The following MYO18B variants were observed in gnomAD, a reference collection of about 807,000 sequenced individuals.
The protein encoded by MYO18B is myosin XVIIIB.
In MYO18B, 204 loss-of-function variants were observed where a neutral mutation model predicts 273.0. That is an observed-to-expected ratio of 0.75 (90% CI 0.67 to 0.84). The LOEUF (loss-of-function observed/expected upper bound fraction) is 0.84, where lower values mean the gene tolerates loss of function less well. MYO18B is among the 40% of genes least tolerant of loss of function. MYO18B has a pLI of 0.00. For synonymous variants in MYO18B, 1,330 were observed against 1,305.7 expected (o/e 1.02, Z -0.40); for missense variants, 3,212 against 3,287.6 (o/e 0.98, Z 0.56).
intron 22 of MYO18B, among the ~76,000 whole-genome samples, chr22:25,872,661 T>C (rs1020544615): frequency 2.7e-5 from 4 of 150,572 alleles, no homozygotes; most frequent in African/African-American, 9.9e-5. Flanking sequence ...CGTGGGCCAA[T>C]GCCTTTTTTT....
In MYO18B at chr22:25,768,937, C is replaced by G. The variant is rs1040816430; in HGVS notation, c.1021C>G (p.Leu341Val). 4 of 1,612,172 alleles carry G rather than the reference C, an allele frequency of 2.5e-6. No individual in the cohort carries two copies. Among genetic ancestry groups the G allele is most frequent in the Non-Finnish European group, 3.4e-6 (4 of 1,179,152 alleles). ...GAATAAGAAGGACAAAGAAGGGGTG[C>G]TCTTAAGTAAGGCAGAGAAGACAGG... ...PQNKKDKEGV[L>V]LSKAEKTGEP... is the part of the protein sequence containing the mutation. Residue 341 changes from leucine (L) to valine (V), a missense_variant, in exon 4 of 44, where the codon CTC becomes GTC. Physicochemically the swap from Leu to Val is conservative, Grantham distance 32 (BLOSUM62 1). Transcript: ENST00000335473.
intron 28 of MYO18B, chr22:25,895,558 C>T (rs2091779158): frequency 3.3e-6 from 1 of 302,272 alleles, no homozygotes; most frequent in Non-Finnish European, 6.2e-6. Flanking sequence ...TCCATTTCTA[C>T]GTGAACCTTG....
At chr22:25,899,776 A>G (rs1459461089) in intron 29 of MYO18B, 4 of 62,972 alleles carry the variant, frequency 6.4e-5, no homozygotes, top group African/African-American at 1.9e-4. Context: ...TCCTTGGCAA[A>G]TAACACCACC....
At chr22:25,768,039 G>T in intron 3 of MYO18B, 76 bp from the exon 4 acceptor site, 1 of 1,279,716 alleles carries the variant, frequency 7.8e-7, no homozygotes, top group Non-Finnish European at 1.1e-6. Flanking sequence ...TGAAATGAAT[G>T]AACGAACACG....
intron 11 of MYO18B, among the ~76,000 whole-genome samples, chr22:25,789,995 A>G (rs903658004): frequency 6.6e-6 from 1 of 152,158 alleles, no homozygotes; most frequent in Non-Finnish European, 1.5e-5. Context: ...TCTACTAAAA[A>G]TACAAAAATT....
At chr22:25,844,614 T>C (rs933576999) in intron 18 of MYO18B, among the ~76,000 whole-genome samples, 1 of 152,132 alleles carries the variant, frequency 6.6e-6, no homozygotes, top group Non-Finnish European at 1.5e-5. Flanking sequence ...ATGAGAAAAA[T>C]TGAGGCCCCG....
intron 43 of MYO18B, among the ~76,000 whole-genome samples, chr22:26,028,024 A>G (rs1936390864): frequency 6.6e-6 from 1 of 152,076 alleles, no homozygotes; most frequent in African/African-American, 2.4e-5. Context: ...CGGGTGGATC[A>G]CCTAAGGTCA....
At chr22:25,755,659 G>C (rs2086092510) in intron 1 of MYO18B, among the ~76,000 whole-genome samples, 1 of 152,160 alleles carries the variant, frequency 6.6e-6, no homozygotes, top group Non-Finnish European at 1.5e-5. Context: ...ATGTCTTGGT[G>C]CCCACCCTGG....
intron 15 of MYO18B, among the ~76,000 whole-genome samples, chr22:25,832,537 T>C (rs546188672): frequency 4.6e-5 from 7 of 152,310 alleles, no homozygotes; most frequent in Middle Eastern, 3.4e-3. Flanking sequence ...GGACAAATAC[T>C]GTATGGTTTC....
the MYO18B span, among the ~76,000 whole-genome samples, chr22:26,060,779 TACATATAC>T: frequency 8.7e-4 from 126 of 145,660 alleles, no homozygotes; most frequent in African/African-American, 3.5e-3. Flanking sequence ...CATACATTTA[TACATATAC>T]ACATATGCAC....
At chr22:25,805,060 C>A (rs1304174941) in intron 12 of MYO18B, among the ~76,000 whole-genome samples, 2 of 152,122 alleles carry the variant, frequency 1.3e-5, no homozygotes, top group Non-Finnish European at 2.9e-5. Flanking sequence ...CTCCCCTTTC[C>A]CTCACTCCTC....
chr22:25,912,189 C>T (rs74978601), intron 33 of MYO18B, among the ~76,000 whole-genome samples: 1,686 of 152,280 alleles, frequency 0.011, 41 homozygotes, highest in African/African-American at 0.039. Context: ...CAGGGACACA[C>T]GCGGCAAGAG....
At chr22:25,799,069 TGAC>T (rs1395501957) in intron 12 of MYO18B, among the ~76,000 whole-genome samples, 2 of 152,140 alleles carry the variant, frequency 1.3e-5, no homozygotes, top group East Asian at 3.9e-4. Context: ...ATAGTCTCTG[TGAC>T]ATCATTTCTG....
At chr22:25,785,645 G>A (rs1459252790) in intron 11 of MYO18B, among the ~76,000 whole-genome samples, 154 bp downstream of exon 11, 1 of 152,134 alleles carries the variant, frequency 6.6e-6, no homozygotes, top group Non-Finnish European at 1.5e-5. Context: ...CCTTTGTAGG[G>A]TCTCGGCTTA....
intron 27 of MYO18B, among the ~76,000 whole-genome samples, chr22:25,893,991 C>T (rs529615814): frequency 9.8e-5 from 15 of 152,318 alleles, no homozygotes; most frequent in African/African-American, 3.4e-4. Context: ...ATCCATTAAT[C>T]CTCCACCCTA....
At chr22:25,847,385 G>A (rs1569104721) in intron 19 of MYO18B, 45 bp from the exon 20 acceptor site, 2 of 1,510,716 alleles carry the variant, frequency 1.3e-6, no homozygotes, top group Non-Finnish European at 9.0e-7. Context: ...CCCTTTCTGT[G>A]TCTCTGTGAG....
intron 4 of MYO18B, 161 bp from the exon 5 acceptor site, chr22:25,769,949 A>G (rs926380823): frequency 4.1e-6 from 3 of 726,364 alleles, no homozygotes; most frequent in African/African-American, 3.5e-5. Flanking sequence ...CGGGTCCGCA[A>G]CGGGAATCTG....
chr22:26,016,799 A>T (rs989177904), intron 42 of MYO18B, among the ~76,000 whole-genome samples: 2 of 152,164 alleles, frequency 1.3e-5, no homozygotes, highest in African/African-American at 4.8e-5. Flanking sequence ...CACAGTACAG[A>T]GGGGGACACA....
At chr22:25,971,260 G>A (rs368050219) in intron 39 of MYO18B, among the ~76,000 whole-genome samples, 1 of 152,360 alleles carries the variant, frequency 6.6e-6, no homozygotes, top group African/African-American at 2.4e-5. Flanking sequence ...TCTATGCTCT[G>A]TTGGAAGAAG....
Sources: allele counts gnomAD v4.1 joint callset (sites outside exome capture counted in the v4.1 genomes callset), GRCh38; gene constraint gnomAD v4.1.1; transcripts MANE v1.5; gene names NCBI Gene and HGNC (gene_info 2026-07-23, HGNC 2026-07-21).